ATF7IP: variants seen among roughly 807,000 people sequenced by gnomAD.
ATF7IP encodes activating transcription factor 7 interacting protein.
A neutral mutation model predicts 106.4 loss-of-function variants in ATF7IP; 23 were observed. That is an observed-to-expected ratio of 0.22 (90% CI 0.16 to 0.31). The LOEUF is 0.31. Ranked by LOEUF, ATF7IP falls within the 10% of genes least tolerant of loss-of-function variation. The pLI, the probability that ATF7IP is intolerant of heterozygous loss-of-function variation, is 1.00. For synonymous variants in ATF7IP, 542 were observed against 539.0 expected (o/e 1.01, Z -0.08); for missense variants, 1,334 against 1,524.3 (o/e 0.88, Z 2.08).
intron 1 of ATF7IP, among the ~76,000 whole-genome samples, chr12:14,404,016 G>A (rs1940408724): frequency 6.6e-6 from 1 of 151,378 alleles, no homozygotes; most frequent in Non-Finnish European, 1.5e-5. Context: ...TTGAATTTGA[G>A]TGATTTTTTT....
intron 1 of ATF7IP, among the ~76,000 whole-genome samples, chr12:14,413,811 A>G (rs1426842126): frequency 2.0e-5 from 3 of 152,190 alleles, no homozygotes; most frequent in African/African-American, 7.2e-5. Flanking sequence ...AGAATTTATA[A>G]GGCATGGTTG....
chr12:14,386,285 A>G (rs968317738), intron 1 of ATF7IP, among the ~76,000 whole-genome samples: 4 of 152,172 alleles, frequency 2.6e-5, no homozygotes, highest in Admixed American at 6.5e-5. Context: ...GAGATACTGT[A>G]AGTCTGTGGT....
rs781046372 is a variant in ATF7IP at position 14,402,607 on chromosome 12, GAT to G, written c.-7-21301_-7-21300del. Among the ~76,000 whole-genome samples, 4 of 84,400 alleles carry G rather than the reference GAT, an allele frequency of 4.7e-5. No individual in the cohort carries two copies. In the South Asian group the frequency reaches 2.1e-3, roughly 45 times the overall value. The allele number at this position is 84,400 out of a possible 152,430, so 55.4% of individuals were successfully genotyped here. A position where few individuals can be genotyped will look rare whatever the true frequency, so the allele number is the denominator to read the frequency against. Reference sequence around the variant, plus strand: ...CTAGATACATTTTTCTTGCCATTCTGATTTTTTTTTTTTTTTTTTGAGACAAA... The same window carrying G: ...CTAGATACATTTTTCTTGCCATTCTGTTTTTTTTTTTTTTTTTGAGACAAA... On this transcript the variant is annotated intron_variant, in intron 1 of 14. Coordinates refer to ENST00000261168, the MANE Select transcript of ATF7IP (RefSeq NM_018179.5).
intron 1 of ATF7IP, among the ~76,000 whole-genome samples, chr12:14,412,830 A>T (rs1046757383): frequency 1.3e-5 from 2 of 152,130 alleles, no homozygotes; most frequent in Non-Finnish European, 2.9e-5. Flanking sequence ...CCTGGCCAAC[A>T]TGGTGAAACC....
rs762786325 is a variant in ATF7IP at position 14,480,981 on chromosome 12, A to G, written c.3098-22A>G. On this transcript the variant is annotated intron_variant, in intron 12 of 14. Coordinates refer to ENST00000261168, the MANE Select transcript of ATF7IP (RefSeq NM_018179.5). ...ACGTAGAATTTACTGTATTCTTAAT[A>G]TCTTTTTCTGCCTTGCATTAGCTCC... The G allele has an allele frequency of 1.7e-5, 28 of 1,609,338 alleles. No homozygotes were observed. The South Asian group carries it at 2.2e-4, about 13-fold the overall frequency.
chr12:14,441,527 A>G (rs1187254500), intron 5 of ATF7IP, among the ~76,000 whole-genome samples: 9 of 143,934 alleles, frequency 6.3e-5, no homozygotes, highest in Admixed American at 7.0e-5. Context: ...TCTCCTGCCA[A>G]TTCCCAGGCT....
At chr12:14,389,871 G>T (rs1314277775) in intron 1 of ATF7IP, among the ~76,000 whole-genome samples, 1 of 152,128 alleles carries the variant, frequency 6.6e-6, no homozygotes, top group Non-Finnish European at 1.5e-5. Context: ...TGATCCGCCC[G>T]CCTCGGCCTC....
chr12:14,386,541 A>G (rs1939250950), intron 1 of ATF7IP, among the ~76,000 whole-genome samples: 2 of 152,118 alleles, frequency 1.3e-5, no homozygotes, highest in Admixed American at 1.3e-4. Flanking sequence ...TTTGCATGTT[A>G]AACTCTTAGG....
intron 5 of ATF7IP, among the ~76,000 whole-genome samples, chr12:14,444,732 G>T (rs370695962): frequency 6.6e-6 from 1 of 151,922 alleles, no homozygotes; most frequent in Non-Finnish European, 1.5e-5. Flanking sequence ...TCTGCTACTG[G>T]ATTCATTTTT....
intron 1 of ATF7IP, among the ~76,000 whole-genome samples, chr12:14,407,720 T>C (rs1033876688): frequency 1.3e-5 from 2 of 152,168 alleles, no homozygotes; most frequent in African/African-American, 2.4e-5. Flanking sequence ...GGTTAACTTT[T>C]ACTTGACACA....
intron 10 of ATF7IP, among the ~76,000 whole-genome samples, chr12:14,469,250 C>A (rs538641052): frequency 4.6e-5 from 7 of 151,232 alleles, no homozygotes; most frequent in Admixed American, 6.6e-5. Flanking sequence ...ATCCCAGCTA[C>A]TTGGGAGGCT....
Position 14,460,754 on chromosome 12 carries a change from G to A in ATF7IP, c.2418G>A (p.Val806=), listed in dbSNP as rs755478879. Residue 806 remains valine (V), a synonymous_variant, in exon 9 of 15, where the codon GTG becomes GTA. Coordinates refer to ENST00000261168, the MANE Select transcript of ATF7IP (RefSeq NM_018179.5). ...TACAGAGCCATCCAGGGACTTTGGT[G>A]ACTAATCAACCATCTGGCAATGTTG... is the stretch of plus-strand genomic sequence containing the variant. The part of the protein sequence containing the change: ...QLLQSHPGTL[V]TNQPSGNVEF... 2 of 1,614,178 alleles carry A rather than the reference G, an allele frequency of 1.2e-6. No individual in the cohort carries two copies. The highest frequency in any genetic ancestry group is 2.2e-5 in the East Asian group (1 of 44,888).
At chr12:14,457,358 T>C in intron 8 of ATF7IP, 63 bp downstream of exon 8, 1 of 1,201,374 alleles carries the variant, frequency 8.3e-7, no homozygotes, top group East Asian at 2.5e-5. Context: ...GGTTCTCTTT[T>C]CTTACATTCT....
intron 1 of ATF7IP, among the ~76,000 whole-genome samples, chr12:14,391,321 G>A (rs1002494318): frequency 1.3e-5 from 2 of 152,298 alleles, no homozygotes; most frequent in African/African-American, 4.8e-5. Flanking sequence ...TCTGCCTGAG[G>A]GAATCTTGTC....
At chr12:14,479,664 G>T (rs940079321) in intron 12 of ATF7IP, among the ~76,000 whole-genome samples, 10 of 151,964 alleles carry the variant, frequency 6.6e-5, no homozygotes, top group African/African-American at 2.4e-4. Context: ...TTTTGGTAGG[G>T]ACTGTTTAGA....
intron 1 of ATF7IP, among the ~76,000 whole-genome samples, chr12:14,367,091 G>T (rs1251057851): frequency 6.6e-6 from 1 of 152,116 alleles, no homozygotes; most frequent in African/African-American, 2.4e-5. Flanking sequence ...ACTAAGCAAA[G>T]AAACTTGCAA....
At chr12:14,488,739 G>T (rs985824284) in intron 13 of ATF7IP, among the ~76,000 whole-genome samples, 2 of 152,080 alleles carry the variant, frequency 1.3e-5, no homozygotes, top group Non-Finnish European at 2.9e-5. Context: ...CCATACTTAT[G>T]CCTAACATAA....
At chr12:14,481,551 C>CA in intron 13 of ATF7IP, 1 of 389,940 alleles carries the variant, frequency 2.6e-6, no homozygotes, top group Non-Finnish European at 4.9e-6. Flanking sequence ...AAATAGTTTT[C>CA]AAAAAAGAAA....
chr12:14,497,229 G>C (rs1443901436), intron 14 of ATF7IP, among the ~76,000 whole-genome samples: 2 of 152,030 alleles, frequency 1.3e-5, no homozygotes, highest in East Asian at 3.9e-4. Flanking sequence ...AAGTATATTT[G>C]TATTCTCCAA....
Sources: allele counts gnomAD v4.1 joint callset (sites outside exome capture counted in the v4.1 genomes callset), GRCh38; gene constraint gnomAD v4.1.1; transcripts MANE v1.5; gene names NCBI Gene and HGNC (gene_info 2026-07-23, HGNC 2026-07-21).